Variants in PDLIM5 observed in about 807,000 individuals in gnomAD.
PDLIM5 encodes PDZ and LIM domain protein 5.
Under a neutral mutation model 64.2 loss-of-function variants are expected in PDLIM5, and 34 were observed. The ratio of observed to expected loss-of-function variants is 0.53; its 90% CI spans 0.40 to 0.71. PDLIM5 has a LOEUF of 0.71. Ranked by LOEUF, PDLIM5 falls within the 30% of genes least tolerant of loss-of-function variation. The pLI, the probability that PDLIM5 is intolerant of heterozygous loss-of-function variation, is 0.00. For synonymous variants in PDLIM5, 253 were observed against 269.1 expected (o/e 0.94, Z 0.59); for missense variants, 683 against 733.6 (o/e 0.93, Z 0.80).
Position 94,665,096 on chromosome 4 carries a change from C to T in PDLIM5, c.*1029C>T. 1 of 951,882 alleles carries T rather than the reference C, an allele frequency of 1.1e-6. No homozygotes were observed. The highest frequency in any genetic ancestry group is 1.2e-6 in the Non-Finnish European group (1 of 808,120). 59.0% of individuals were successfully genotyped at this position (951,882 alleles called of 1,614,324 possible). On this transcript the variant is annotated 3_prime_UTR_variant, in exon 13 of 13. Coordinates refer to ENST00000317968, the MANE Select transcript of PDLIM5 (RefSeq NM_006457.5). ...CTATTCATTGTGTATGCTTCATCAC[C>T]TATATTAGGCAAATTCCATTTTTTT...
intron 2 of PDLIM5, among the ~76,000 whole-genome samples, chr4:94,469,013 G>A (rs986083819): frequency 4.6e-5 from 7 of 152,176 alleles, no homozygotes; most frequent in African/African-American, 7.2e-5. Flanking sequence ...AAAGATGAGC[G>A]TTGATCACAT....
chr4:94,571,348 G>T (rs528618242), intron 3 of PDLIM5, among the ~76,000 whole-genome samples: 1 of 152,168 alleles, frequency 6.6e-6, no homozygotes, highest in Non-Finnish European at 1.5e-5. Context: ...CAAATAGATT[G>T]TTCTAGCCAC....
At chr4:94,581,121 C>T (rs138628733) in intron 5 of PDLIM5, among the ~76,000 whole-genome samples, 37 of 152,144 alleles carry the variant, frequency 2.4e-4, no homozygotes, top group African/African-American at 8.9e-4. Flanking sequence ...GCAGTTTGCC[C>T]AGGGCATGGG....
chr4:94,580,634 A>C (rs917988933), intron 5 of PDLIM5, among the ~76,000 whole-genome samples: 5 of 152,232 alleles, frequency 3.3e-5, no homozygotes, highest in African/African-American at 1.2e-4. Flanking sequence ...AAGATTCATT[A>C]ATCTGTTAGG....
chr4:94,503,487 A>T (rs1301636733), intron 2 of PDLIM5, among the ~76,000 whole-genome samples: 1 of 152,182 alleles, frequency 6.6e-6, no homozygotes, highest in Non-Finnish European at 1.5e-5. Flanking sequence ...TAGTAGGAAG[A>T]TGGTTTTGAT....
chr4:94,661,502 A>G (rs1042867005), intron 11 of PDLIM5, among the ~76,000 whole-genome samples: 4 of 152,230 alleles, frequency 2.6e-5, no homozygotes, highest in Non-Finnish European at 4.4e-5. Flanking sequence ...ACTGTAATCT[A>G]TGTCAAGTAA....
At chr4:94,582,900 C>G in intron 5 of PDLIM5, 1 of 582,854 alleles carries the variant, frequency 1.7e-6, no homozygotes, top group South Asian at 2.2e-5. Context: ...ATTTTGTATG[C>G]ATCAGAGGTA....
At chr4:94,620,244 A>G (rs1739113593) in intron 8 of PDLIM5, among the ~76,000 whole-genome samples, 1 of 152,120 alleles carries the variant, frequency 6.6e-6, no homozygotes, top group South Asian at 2.1e-4. Flanking sequence ...TGAGTACCCA[A>G]GGGGCCACTT....
chr4:94,645,706 G>A (rs1032627663), intron 9 of PDLIM5, among the ~76,000 whole-genome samples: 2 of 152,148 alleles, frequency 1.3e-5, no homozygotes, highest in African/African-American at 4.8e-5. Context: ...GAGTTATAAT[G>A]TCCAGATAAT....
intron 2 of PDLIM5, among the ~76,000 whole-genome samples, chr4:94,457,851 C>T (rs1723517886): frequency 6.6e-6 from 1 of 152,190 alleles, no homozygotes; most frequent in African/African-American, 2.4e-5. Flanking sequence ...TTTGAACATA[C>T]TGATTAAAAG....
At chr4:94,648,890 T>C (rs1372394174) in intron 9 of PDLIM5, among the ~76,000 whole-genome samples, 2 of 152,206 alleles carry the variant, frequency 1.3e-5, no homozygotes, top group Admixed American at 1.3e-4. Flanking sequence ...AGGGTTTACC[T>C]GATTAGGTCA....
At chr4:94,626,816 ACT>A (rs917065059) in intron 8 of PDLIM5, among the ~76,000 whole-genome samples, 1 of 151,236 alleles carries the variant, frequency 6.6e-6, no homozygotes, top group African/African-American at 2.4e-5. Context: ...TGTGAGAAAG[ACT>A]CAAATATATT....
intron 3 of PDLIM5, among the ~76,000 whole-genome samples, chr4:94,541,230 A>G (rs1327244284): frequency 6.6e-6 from 1 of 151,698 alleles, no homozygotes; most frequent in Non-Finnish European, 1.5e-5. Context: ...TGGCCTTAGG[A>G]AAAAAAAATG....
chr4:94,499,800 A>G (rs960008082), intron 2 of PDLIM5, among the ~76,000 whole-genome samples: 1 of 152,204 alleles, frequency 6.6e-6, no homozygotes, highest in Non-Finnish European at 1.5e-5. Flanking sequence ...TCAGACCAGC[A>G]GTGGCATTAG....
chr4:94,635,987 T>A (rs1740526192), intron 8 of PDLIM5, among the ~76,000 whole-genome samples: 2 of 152,194 alleles, frequency 1.3e-5, no homozygotes, highest in South Asian at 4.1e-4. Context: ...GTGGTTAAAA[T>A]GGGGCAGTAA....
At chr4:94,456,426 G>A (rs1426901611) in intron 2 of PDLIM5, 10 of 691,404 alleles carry the variant, frequency 1.4e-5, no homozygotes, top group Admixed American at 8.4e-5. Flanking sequence ...TTGAACTCCC[G>A]ACCTCAGGTG....
intron 7 of PDLIM5, among the ~76,000 whole-genome samples, chr4:94,607,385 G>A (rs1262941758): frequency 6.7e-6 from 1 of 150,362 alleles, no homozygotes; most frequent in Non-Finnish European, 1.5e-5. Context: ...TTCTTTACCT[G>A]GCAATAGTTC....
intron 3 of PDLIM5, among the ~76,000 whole-genome samples, chr4:94,529,356 A>G (rs140467179): frequency 2.7e-4 from 41 of 152,260 alleles, no homozygotes; most frequent in Middle Eastern, 3.4e-3. Flanking sequence ...AAGAATTCCC[A>G]AGGAGAGAAC....
intron 3 of PDLIM5, among the ~76,000 whole-genome samples, chr4:94,570,310 T>C (rs1426830397): frequency 1.3e-5 from 2 of 152,166 alleles, no homozygotes; most frequent in Non-Finnish European, 2.9e-5. Flanking sequence ...TCAAAAAGCC[T>C]GACCAGCTTT....
Sources: gnomAD v4.1 joint callset for allele counts (sites outside exome capture counted in the v4.1 genomes callset) on GRCh38, gnomAD v4.1.1 for gene constraint, MANE v1.5 for transcripts, NCBI Gene and HGNC (gene_info 2026-07-23, HGNC 2026-07-21) for gene names.